GK5: variants seen among roughly 807,000 people sequenced by gnomAD.
The protein encoded by GK5 is glycerol kinase 5.
Under a neutral mutation model 77.3 loss-of-function variants are expected in GK5, and 39 were observed. The ratio of observed to expected loss-of-function variants is 0.50; its 90% CI spans 0.39 to 0.66. GK5 has a LOEUF of 0.66. Ranked by LOEUF, GK5 falls within the 30% of genes least tolerant of loss-of-function variation. GK5 has a pLI of 0.00. For synonymous variants in GK5, 211 were observed against 208.0 expected (o/e 1.01, Z -0.13); for missense variants, 487 against 633.8 (o/e 0.77, Z 2.49).
intron 12 of GK5, chr3:142,173,224 C>CA (rs147967724): frequency 0.021 from 9,325 of 434,820 alleles, 802 homozygotes; most frequent in African/African-American, 0.18. Flanking sequence ...AACACCACTA[C>CA]ACTCTTCTCT....
At chr3:142,207,535 A>G (rs2064127083) in intron 3 of GK5, among the ~76,000 whole-genome samples, 2 of 151,574 alleles carry the variant, frequency 1.3e-5, no homozygotes, top group African/African-American at 4.9e-5. Flanking sequence ...GTACTTCTAC[A>G]TACAAATGTA....
At chr3:142,169,811 T>C (rs1377575547) in intron 15 of GK5, among the ~76,000 whole-genome samples, 3 of 152,038 alleles carry the variant, frequency 2.0e-5, no homozygotes, top group Non-Finnish European at 4.4e-5. Context: ...TAGTTGGGAT[T>C]ACAGGCATGT....
At chr3:142,191,271 G>A (rs1159944182) in intron 5 of GK5, among the ~76,000 whole-genome samples, 2 of 151,772 alleles carry the variant, frequency 1.3e-5, no homozygotes, top group African/African-American at 4.8e-5. Context: ...CTCGTGATCC[G>A]CCCACCTCGG....
chr3:142,165,519 AT>A lies in GK5; in HGVS notation c.*102del, dbSNP rs1212530259. The A allele has an allele frequency of 4.5e-5, 35 of 781,306 alleles. No individual in the cohort carries two copies. The highest frequency in any genetic ancestry group is 6.6e-5 in the Non-Finnish European group (35 of 527,548). The allele number at this position is 781,306 out of a possible 1,614,324, so 48.4% of individuals were successfully genotyped here. A position where few individuals can be genotyped will look rare whatever the true frequency, so the allele number is the denominator to read the frequency against. On this transcript the variant is annotated 3_prime_UTR_variant, in exon 16 of 16. Transcript: ENST00000392993. Reference sequence around the variant, plus strand: ...TCTTAAGTTATGAAGCTTATTTAAAATTTTCTCCTCTTAGTCATTGTCATAT... The same window carrying A: ...TCTTAAGTTATGAAGCTTATTTAAAATTTCTCCTCTTAGTCATTGTCATAT...
intron 1 of GK5, among the ~76,000 whole-genome samples, chr3:142,217,395 A>G (rs2064288088): frequency 6.6e-6 from 1 of 152,188 alleles, no homozygotes; most frequent in African/African-American, 2.4e-5. Flanking sequence ...TTTAAAACTT[A>G]CTGGATGGGC....
chr3:142,174,542 T>C (rs1167793122), intron 12 of GK5, among the ~76,000 whole-genome samples: 1 of 152,194 alleles, frequency 6.6e-6, no homozygotes, highest in African/African-American at 2.4e-5. Flanking sequence ...TGAAATCTGT[T>C]TGGTGCCCTG....
chr3:142,171,985 C>G (rs2063545570), intron 13 of GK5, among the ~76,000 whole-genome samples: 1 of 152,082 alleles, frequency 6.6e-6, no homozygotes, highest in Non-Finnish European at 1.5e-5. Context: ...AAGAATAATT[C>G]TGATGACTCA....
chr3:142,182,225 A>G (rs1332106112), intron 10 of GK5, among the ~76,000 whole-genome samples: 2 of 152,226 alleles, frequency 1.3e-5, no homozygotes, highest in Admixed American at 6.5e-5. Flanking sequence ...TATTAAAAAG[A>G]GCAAATTCTT....
At chr3:142,204,484 C>G in intron 4 of GK5, 1 of 610,188 alleles carries the variant, frequency 1.6e-6, no homozygotes, top group Non-Finnish European at 3.0e-6. Flanking sequence ...TCTGGTCCAC[C>G]ACAAACCTCC....
intron 4 of GK5, among the ~76,000 whole-genome samples, chr3:142,199,437 T>C (rs1320981649): frequency 6.6e-6 from 1 of 152,172 alleles, no homozygotes; most frequent in African/African-American, 2.4e-5. Context: ...TGAAGGCTCA[T>C]AGTCCAAATA....
rs1199933707 is a variant in GK5, at chr3:142,186,003, T to A, written c.756-14A>T. On this transcript the variant is annotated splice_polypyrimidine_tract_variant and intron_variant, in intron 8 of 15. Transcript: ENST00000392993. ...CCAAAATTGTGGCTTCAAATAAAAT[T>A]CATTAAAAAGTTAGTTACAGCTCTA... 6.3e-7 allele frequency: 1 copy of A among 1,592,446 alleles called. No homozygotes were observed. Among genetic ancestry groups the A allele is most frequent in the Admixed American group, 1.7e-5 (1 of 58,778 alleles).
intron 3 of GK5, among the ~76,000 whole-genome samples, chr3:142,210,565 A>G (rs1401108548): frequency 6.6e-6 from 1 of 152,168 alleles, no homozygotes; most frequent in African/African-American, 2.4e-5. Context: ...AAAAATATCC[A>G]CTATTTCAGT....
rs776918755 is a variant in GK5, at chr3:142,181,531, T to C, written c.978A>G (p.Gln326=). The change falls in exon 11 of 16, where the codon CAA becomes CAG. Residue 326 remains glutamine, a synonymous_variant. Coordinates refer to ENST00000392993, the MANE Select transcript of GK5 (RefSeq NM_001039547.3). ...TGCTTTCAGCTAAGCATACGACTTC[T>C]TGCCCAATCTTCCACCCAATTAATG... ...FYPLIGWKIG[Q]EVVCLAESNA... 1.2e-6 allele frequency: 2 copies of C among 1,613,516 alleles called. No homozygotes were observed. Among genetic ancestry groups the C allele is most frequent in the Non-Finnish European group, 1.7e-6 (2 of 1,179,758 alleles).
rs559329502 is a variant in GK5 at position 142,218,304 on chromosome 3, G to A, written c.148-2612C>T. Among the ~76,000 whole-genome samples the A allele has an allele frequency of 1.7e-3, 264 of 151,084 alleles. 1 individual carries two copies. Among genetic ancestry groups the A allele is most frequent in the African/African-American group, 5.3e-3 (219 of 41,064 alleles). On this transcript the variant is annotated intron_variant, in intron 1 of 15. Transcript: ENST00000392993. ...TCCCAGCACTTTGGGAGGCTGAGGC[G>A]GGCATATTGTCTGAGCTCAGGAGTT...
intron 5 of GK5, among the ~76,000 whole-genome samples, chr3:142,193,488 A>AAC (rs1553834362): frequency 6.6e-6 from 1 of 151,506 alleles, no homozygotes; most frequent in African/African-American, 2.4e-5. Context: ...TGCTACAAAA[A>AAC]AAAAAAAACA....
At chr3:142,201,270 C>T (rs2064016999) in intron 4 of GK5, among the ~76,000 whole-genome samples, 1 of 152,178 alleles carries the variant, frequency 6.6e-6, no homozygotes, top group African/African-American at 2.4e-5. Context: ...TGTGATACAG[C>T]TGTACTATTG....
chr3:142,170,480 A>G, intron 14 of GK5, 22 bp from the exon 15 acceptor site: 2 of 1,578,868 alleles, frequency 1.3e-6, no homozygotes, highest in Non-Finnish European at 1.7e-6. Context: ...AAAATATGTA[A>G]GATGAATTAC....
At chr3:142,199,504 G>C (rs953495663) in intron 4 of GK5, among the ~76,000 whole-genome samples, 1 of 152,028 alleles carries the variant, frequency 6.6e-6, no homozygotes, top group Admixed American at 6.5e-5. Flanking sequence ...ATGAATCAAA[G>C]ACCTGAGAAC....
At chr3:142,181,915 A>G (rs796954150) in intron 10 of GK5, among the ~76,000 whole-genome samples, 1 of 152,382 alleles carries the variant, frequency 6.6e-6, no homozygotes, top group African/African-American at 2.4e-5. Flanking sequence ...AAATATGGCA[A>G]TAAATATTTT....
Sources: gnomAD v4.1 joint callset for allele counts (sites outside exome capture counted in the v4.1 genomes callset) on GRCh38, gnomAD v4.1.1 for gene constraint, MANE v1.5 for transcripts, NCBI Gene and HGNC (gene_info 2026-07-23, HGNC 2026-07-21) for gene names.